The following MTAP variants were observed in gnomAD, a reference collection of about 807,000 sequenced individuals.
MTAP encodes the protein S-methyl-5'-thioadenosine phosphorylase.
MTAP carries 33 observed loss-of-function variants against 33.6 expected under a neutral mutation model. The ratio of observed to expected loss-of-function variants is 0.98; its 90% CI spans 0.74 to 1.31. The LOEUF is 1.31. Ranked by LOEUF, MTAP falls within the 40% of genes most tolerant of loss-of-function variation. The probability of loss-of-function intolerance (pLI) is 0.00; values close to 1 mark genes in which losing one functional copy is unlikely to be tolerated. For missense variants in MTAP, 367 were observed against 360.0 expected (o/e 1.02, Z -0.16); for synonymous variants, 148 against 125.7 (o/e 1.18, Z -1.19).
intron 1 of MTAP, among the ~76,000 whole-genome samples, chr9:21,895,312 A>G (rs1473771870): frequency 1.3e-5 from 2 of 152,244 alleles, no homozygotes; most frequent in Non-Finnish European, 2.9e-5. Flanking sequence ...ATAGCATGGT[A>G]CTTGTATTAG....
At chr9:21,813,524 A>T (rs1824402953) in intron 1 of MTAP, among the ~76,000 whole-genome samples, 1 of 152,152 alleles carries the variant, frequency 6.6e-6, no homozygotes, top group African/African-American at 2.4e-5. Flanking sequence ...TTTCTCAACA[A>T]CTGCTACAAT....
intron 1 of MTAP, among the ~76,000 whole-genome samples, chr9:21,911,973 C>A (rs1485104853): frequency 6.6e-6 from 1 of 152,166 alleles, no homozygotes; most frequent in Non-Finnish European, 1.5e-5. Flanking sequence ...CACAGAAATA[C>A]AAACTACCAT....
At chr9:21,844,882 A>G (rs1418483633) in intron 5 of MTAP, among the ~76,000 whole-genome samples, 1 of 152,146 alleles carries the variant, frequency 6.6e-6, no homozygotes, top group Non-Finnish European at 1.5e-5. Flanking sequence ...ATACAAAAAA[A>G]TTAGCCGGGC....
At chr9:21,869,074 C>A (rs1409574147), downstream of MTAP, among the ~76,000 whole-genome samples, 1 of 152,120 alleles carries the variant, frequency 6.6e-6, no homozygotes, top group Non-Finnish European at 1.5e-5. Flanking sequence ...TCATTTTTCT[C>A]CTTATTATTG....
intron 4 of MTAP, among the ~76,000 whole-genome samples, chr9:21,834,546 C>T (rs1825054225): frequency 1.3e-5 from 2 of 152,188 alleles, no homozygotes; most frequent in African/African-American, 2.4e-5. Context: ...GGTAGAATCC[C>T]TTTCCCTGCC....
chr9:21,914,107 CGATCA>C (rs1367623829), intron 1 of MTAP, among the ~76,000 whole-genome samples: 4 of 152,012 alleles, frequency 2.6e-5, no homozygotes, highest in Non-Finnish European at 4.4e-5. Context: ...GTTAGAATGG[CGATCA>C]TTAAAAAGTC....
intron 1 of MTAP, among the ~76,000 whole-genome samples, chr9:21,806,620 G>C (rs1824215626): frequency 6.6e-6 from 1 of 152,090 alleles, no homozygotes; most frequent in South Asian, 2.1e-4. Context: ...TCCAGGCAGG[G>C]AGTGAGGATA....
At position 21,865,559 on chromosome 9, in the gene MTAP, C is replaced by T. The variant is rs1000604721; in HGVS notation, c.*3545C>T. On this transcript the variant is annotated 3_prime_UTR_variant, in exon 8 of 8. Transcript: ENST00000644715. Reference sequence around the variant, plus strand: ...AACTGAAGTTCCAGGATGGAAGAACCTGTGTTCTCCTCATAATAGTATAGA... The same window carrying T: ...AACTGAAGTTCCAGGATGGAAGAACTTGTGTTCTCCTCATAATAGTATAGA... 1.0e-5 allele frequency: 10 copies of T among 985,682 alleles called. No homozygotes were observed. The highest frequency in any genetic ancestry group is 1.1e-4 in the East Asian group (1 of 8,814). 61.1% of individuals were successfully genotyped at this position (985,682 alleles called of 1,614,324 possible).
rs1825840549 is a variant in MTAP at position 21,865,576 on chromosome 9, T to C, written c.*3562T>C. The C allele has an allele frequency of 1.0e-6, 1 of 985,684 alleles. No individual in the cohort carries two copies. Among genetic ancestry groups the C allele is most frequent in the South Asian group, 4.7e-5 (1 of 21,284 alleles). 61.1% of individuals were successfully genotyped at this position (985,684 alleles called of 1,614,324 possible). Reference sequence around the variant, plus strand: ...GGAAGAACCTGTGTTCTCCTCATAATAGTATAGAATAATTCAAGATAGGCA... The same window carrying C: ...GGAAGAACCTGTGTTCTCCTCATAACAGTATAGAATAATTCAAGATAGGCA... On this transcript the variant is annotated 3_prime_UTR_variant, in exon 8 of 8. Transcript: ENST00000644715.
chr9:21,915,059 T>TTC, intron 1 of MTAP, among the ~76,000 whole-genome samples: 17 of 71,804 alleles, frequency 2.4e-4, no homozygotes, highest in African/African-American at 5.6e-4. Context: ...TTCCTTCCTT[T>TTC]CTTTCTTTCT....
intron 4 of MTAP, among the ~76,000 whole-genome samples, chr9:21,821,608 A>C (rs1587210335): frequency 2.0e-5 from 3 of 152,288 alleles, no homozygotes; most frequent in Middle Eastern, 3.4e-3. Context: ...TGTCTCTGCC[A>C]GGCTTTGGTA....
At chr9:21,914,784 T>TA (rs143107602) in intron 1 of MTAP, among the ~76,000 whole-genome samples, 18,735 of 136,958 alleles carry the variant, frequency 0.14, 1,764 homozygotes, top group African/African-American at 0.28. Context: ...AGTATAATAA[T>TA]AAAAAAAAAA....
At chr9:21,899,079 T>C (rs1274094903) in intron 1 of MTAP, among the ~76,000 whole-genome samples, 3 of 151,994 alleles carry the variant, frequency 2.0e-5, no homozygotes, top group African/African-American at 7.3e-5. Context: ...TCATGTCCTT[T>C]GTAGGGACAT....
chr9:21,839,173 G>T (rs200142276), intron 5 of MTAP, among the ~76,000 whole-genome samples: 180 of 143,794 alleles, frequency 1.3e-3, no homozygotes, highest in East Asian at 3.6e-3. Flanking sequence ...CTTTTACTTG[G>T]TTTTTTTTTT....
intron 1 of MTAP, among the ~76,000 whole-genome samples, chr9:21,881,754 G>C (rs1390774446): frequency 1.3e-5 from 2 of 151,896 alleles, no homozygotes; most frequent in Non-Finnish European, 2.9e-5. Flanking sequence ...TGGAAAAATT[G>C]GAACCCTTCC....
At chr9:21,819,094 T>C (rs61268824) in intron 4 of MTAP, among the ~76,000 whole-genome samples, 12,865 of 152,200 alleles carry the variant, frequency 0.085, 636 homozygotes, top group East Asian at 0.16. Flanking sequence ...GCGTTCTCTT[T>C]TAAGGCTAAA....
chr9:21,816,443 G>A (rs940659375), intron 2 of MTAP, among the ~76,000 whole-genome samples: 1 of 152,154 alleles, frequency 6.6e-6, no homozygotes, highest in Admixed American at 6.5e-5. Context: ...TCTACCATCA[G>A]AGTTCCCTGG....
chr9:21,823,195 C>T (rs909455618), intron 4 of MTAP, among the ~76,000 whole-genome samples: 3 of 152,100 alleles, frequency 2.0e-5, no homozygotes, highest in African/African-American at 4.8e-5. Context: ...TTATTTTGGT[C>T]GTTAGTTGAT....
At chr9:21,858,154 T>A (rs1299880027) in intron 6 of MTAP, among the ~76,000 whole-genome samples, 2 of 152,210 alleles carry the variant, frequency 1.3e-5, no homozygotes, top group Non-Finnish European at 2.9e-5. Flanking sequence ...GTAGCTGGAA[T>A]AATTTTCTAA....
Sources: gnomAD v4.1 joint callset for allele counts (sites outside exome capture counted in the v4.1 genomes callset) on GRCh38, gnomAD v4.1.1 for gene constraint, MANE v1.5 for transcripts, NCBI Gene and HGNC (gene_info 2026-07-23, HGNC 2026-07-21) for gene names.